LRRC74A: variants seen among roughly 807,000 people sequenced by gnomAD.
The protein encoded by LRRC74A is leucine-rich repeat-containing protein 74A.
In LRRC74A, 44 loss-of-function variants were observed where a neutral mutation model predicts 57.9. That is an observed-to-expected ratio of 0.76 (90% CI 0.60 to 0.98). The LOEUF (loss-of-function observed/expected upper bound fraction) is 0.98. LRRC74A is among the 50% of genes least tolerant of loss of function. LRRC74A has a pLI of 0.00. For synonymous variants in LRRC74A, 211 were observed against 219.4 expected, an observed-to-expected ratio of 0.96 and a Z score of 0.34; for missense variants, 572 against 574.0, an observed-to-expected ratio of 1.00 and a Z score of 0.04.
At chr14:76,854,120 C>G (rs1317791726) in intron 9 of LRRC74A, among the ~76,000 whole-genome samples, 3 of 152,192 alleles carry the variant, frequency 2.0e-5, no homozygotes, top group Non-Finnish European at 4.4e-5. Flanking sequence ...TCTCTCCACT[C>G]CTTTCCTCCT....
At chr14:76,860,888 C>T (rs766601794) in intron 11 of LRRC74A, 49 bp downstream of exon 11, 5 of 1,486,292 alleles carry the variant, frequency 3.4e-6, no homozygotes, top group South Asian at 1.3e-5. Flanking sequence ...CTGGGGAAAG[C>T]TGGCCAATGG....
At chr14:76,844,324 G>C (rs184493438) in intron 5 of LRRC74A, 99 bp from the exon 6 acceptor site, 9 of 1,148,748 alleles carry the variant, frequency 7.8e-6, no homozygotes, top group Non-Finnish European at 1.3e-6. Context: ...TTTTCTGTTC[G>C]ATTGTTCTAA....
chr14:76,841,333 T>C (rs1896754700), intron 5 of LRRC74A, among the ~76,000 whole-genome samples: 1 of 152,266 alleles, frequency 6.6e-6, no homozygotes. Flanking sequence ...TGAGCCACTG[T>C]GCCCAGCCAA....
At position 76,854,996 on chromosome 14, in the gene LRRC74A, C is replaced by T. The variant is rs374217647; in HGVS notation, c.957+1586C>T. On this transcript the variant is annotated intron_variant, in intron 9 of 13. Coordinates refer to ENST00000689127, the MANE Select transcript of LRRC74A (RefSeq NM_001385106.1). ...AGGAGGCAGAGGGAAGCCTGCTGTACGTGGTTTTCCATGGCAACTCCAACT... is the reference window on the plus strand; with the variant it reads ...AGGAGGCAGAGGGAAGCCTGCTGTATGTGGTTTTCCATGGCAACTCCAACT... Among the ~76,000 whole-genome samples, 48 of 152,218 alleles carry T rather than the reference C, an allele frequency of 3.2e-4. 3 individuals carry two copies. In the South Asian group the frequency reaches 8.3e-3, roughly 26 times the overall value.
chr14:76,867,821 C>T (rs576366698), intron 13 of LRRC74A, among the ~76,000 whole-genome samples: 2 of 152,256 alleles, frequency 1.3e-5, no homozygotes, highest in South Asian at 2.1e-4. Context: ...GTCGCTCAGG[C>T]GGGAGGCGGC....
Position 76,866,039 on chromosome 14 carries a change from G to C in LRRC74A, c.1272G>C (p.Lys424Asn), listed in dbSNP as rs1384898558. 1.3e-6 allele frequency: 2 copies of C among 1,590,114 alleles called. No individual in the cohort carries two copies. The highest frequency in any genetic ancestry group is 4.5e-5 in the East Asian group (2 of 44,648). ...FKSLNPTGTM[K>N]MSVDEFQKVM... ...GCTTGAACCCCACTGGGACAATGAA[G>C]ATGTCTGTGGATGAGTTCCAGAAAG... The change falls in exon 12 of 14, where the codon AAG (lysine) becomes AAC (asparagine). Residue 424 changes from lysine to asparagine, a missense_variant. Physicochemically the swap from Lys to Asn is moderately conservative, Grantham distance 94 (BLOSUM62 0). Coordinates refer to ENST00000689127, the MANE Select transcript of LRRC74A (RefSeq NM_001385106.1).
rs1897336096 is a variant in LRRC74A, at chr14:76,849,993, G to A, written c.677-2372G>A. On this transcript the variant is annotated intron_variant, in intron 7 of 13. Transcript: ENST00000689127. ...GGAGGCCGAGGCGGGCGGATCACAA[G>A]GTCAGGAGATTGAGACCATCCTGGC... Among the ~76,000 whole-genome samples the A allele has an allele frequency of 2.6e-5, 4 of 152,208 alleles. No individual in the cohort carries two copies. The South Asian group carries it at 8.3e-4, about 32-fold the overall frequency.
At position 76,866,592 on chromosome 14, in the gene LRRC74A, G is replaced by A. The variant is rs574901780; in HGVS notation, c.1308+517G>A. ...ATAGGACTCCAGAGGAGAAGTTCCC[G>A]GGGCCCAGGCAGGGACGGATAAGGC... On this transcript the variant is annotated intron_variant, in intron 12 of 13. Transcript: ENST00000689127. Among the ~76,000 whole-genome samples the A allele has an allele frequency of 1.1e-4, 17 of 152,192 alleles. 1 individual carries two copies. The highest frequency in any genetic ancestry group is 3.4e-4 in the African/African-American group (14 of 41,526).
intron 11 of LRRC74A, among the ~76,000 whole-genome samples, chr14:76,863,185 AGTGT>A (rs112669509): frequency 6.4e-4 from 93 of 145,316 alleles, no homozygotes; most frequent in African/African-American, 2.0e-3. Context: ...CATGCATGTG[AGTGT>A]GTGTGTGTGT....
rs1208440527 is a variant in LRRC74A at position 76,826,712 on chromosome 14, G to T, written c.15G>T (p.Lys5Asn). The T allele has an allele frequency of 1.3e-6, 2 of 1,534,014 alleles. No individual in the cohort carries two copies. Among genetic ancestry groups the T allele is most frequent in the African/African-American group, 2.7e-5 (2 of 73,038 alleles). Residue 5 changes from lysine to asparagine, a missense_variant, in exon 1 of 14, where the codon AAG (lysine) becomes AAT (asparagine). Coordinates refer to ENST00000689127, the MANE Select transcript of LRRC74A (RefSeq NM_001385106.1). MDND[K>N]PLQPETEDEI... ...GTCCTGGCACCATGGACAATGACAA[G>T]CCTCTTCAGCCTGAGACAGAAGGTG...
rs1236206937 is a variant in LRRC74A, at chr14:76,831,255, C to G, written c.219C>G (p.Cys73Trp). 6.2e-7 allele frequency: 1 copy of G among 1,614,046 alleles called. No homozygotes were observed. ...AAAAGGAGCTGTACCTGGAGGCCTG[C>G]AAGCTGATGGGTGTAGTGCCTGTCT... ...TGQKELYLEA[C>W]KLMGVVPVSY... Residue 73 changes from cysteine to tryptophan, a missense_variant, in exon 3 of 14, where the codon TGC becomes TGG. Coordinates refer to ENST00000689127, the MANE Select transcript of LRRC74A (RefSeq NM_001385106.1).
At position 76,836,190 on chromosome 14, in the gene LRRC74A, C is replaced by T. The variant is rs1251195182; in HGVS notation, c.340-17C>T. The T allele has an allele frequency of 6.3e-7, 1 of 1,590,578 alleles. No individual in the cohort carries two copies. Among genetic ancestry groups the T allele is most frequent in the East Asian group, 2.2e-5 (1 of 44,722 alleles). On this transcript the variant is annotated splice_polypyrimidine_tract_variant and intron_variant, in intron 3 of 13. Transcript: ENST00000689127. ...ACCACTTCTGTGTCTCTCTCCCTCC[C>T]CTTGTGCTGGCTGAAGTCCAACATG...
rs1229733283 is a variant in LRRC74A at position 76,851,804 on chromosome 14, T to G, written c.677-561T>G. On this transcript the variant is annotated intron_variant, in intron 7 of 13. Coordinates refer to ENST00000689127, the MANE Select transcript of LRRC74A (RefSeq NM_001385106.1). Reference sequence around the variant, plus strand: ...CCTCAGCCTCCTGAGTAGCTGGGACTACAGGCACGCGCCACCGCACCCAGC... The same window carrying G: ...CCTCAGCCTCCTGAGTAGCTGGGACGACAGGCACGCGCCACCGCACCCAGC... Among the ~76,000 whole-genome samples, 5 of 152,128 alleles carry G rather than the reference T, an allele frequency of 3.3e-5. No individual in the cohort carries two copies. The East Asian group carries it at 9.6e-4, about 29-fold the overall frequency.
At chr14:76,829,250 C>A (rs1297849066) in intron 2 of LRRC74A, 2 of 1,222,678 alleles carry the variant, frequency 1.6e-6, no homozygotes, top group East Asian at 5.7e-5. Context: ...CAGTGATTCA[C>A]AGGCAGCAGA....
At chr14:76,859,750 A>G (rs1417079476) in intron 10 of LRRC74A, among the ~76,000 whole-genome samples, 1 of 139,134 alleles carries the variant, frequency 7.2e-6, no homozygotes, top group Non-Finnish European at 1.5e-5. Flanking sequence ...GTCTCGGCTC[A>G]CTGCAACCTC....
chr14:76,867,168 T>TGG (rs1566747964), intron 12 of LRRC74A, among the ~76,000 whole-genome samples, 188 bp from the exon 13 acceptor site: 1 of 9,184 alleles, frequency 1.1e-4, no homozygotes, highest in Non-Finnish European at 2.1e-4. Flanking sequence ...GGGTGGGGTG[T>TGG]GTGGTAGTGT....
At chr14:76,869,121 G>C (rs1386075701) in intron 13 of LRRC74A, among the ~76,000 whole-genome samples, 1 of 86,698 alleles carries the variant, frequency 1.2e-5, no homozygotes, top group Non-Finnish European at 2.5e-5. Flanking sequence ...CTCCTCACCT[G>C]CCCCGTGCCT....
chr14:76,843,542 A>T (rs576669579), intron 5 of LRRC74A, among the ~76,000 whole-genome samples: 1 of 152,192 alleles, frequency 6.6e-6, no homozygotes, highest in East Asian at 1.9e-4. Flanking sequence ...GATGCTGCTA[A>T]TGAATGCACA....
At chr14:76,867,461 T>A (rs781300141) in intron 13 of LRRC74A, 23 bp downstream of exon 13, 1 of 1,375,206 alleles carries the variant, frequency 7.3e-7, no homozygotes, top group South Asian at 1.2e-5. Context: ...CCCGCGACGA[T>A]CCCCGTTCTC....
Sources: gnomAD v4.1 joint callset for allele counts (sites outside exome capture counted in the v4.1 genomes callset) on GRCh38, gnomAD v4.1.1 for gene constraint, MANE v1.5 for transcripts, NCBI Gene and HGNC (gene_info 2026-07-23, HGNC 2026-07-21) for gene names.